ENO4: variants seen among roughly 807,000 people sequenced by gnomAD.
ENO4 encodes the protein enolase 4.
A neutral mutation model predicts 63.2 loss-of-function variants in ENO4; 53 were observed. The observed-to-expected ratio is 0.84, with a 90% confidence interval of 0.67 to 1.05. The LOEUF is 1.05. Among genes scored for constraint, ENO4 ranks in the 50% least tolerant of loss-of-function variants. The pLI, the probability that ENO4 is intolerant of heterozygous loss-of-function variation, is 0.00. For missense variants in ENO4, 719 were observed against 772.0 expected, an observed-to-expected ratio of 0.93 and a Z score of 0.81; for synonymous variants, 266 against 283.8, an observed-to-expected ratio of 0.94 and a Z score of 0.63.
chr10:116,859,194 G>A, intron 4 of ENO4, 56 bp downstream of exon 4: 2 of 1,452,462 alleles, frequency 1.4e-6, no homozygotes, highest in Non-Finnish European at 1.8e-6. Flanking sequence ...GAGGAAGAAA[G>A]GCTGAAGCCT....
chr10:116,903,925 G>A (rs1942033027), intron 10 of ENO4, among the ~76,000 whole-genome samples: 1 of 152,180 alleles, frequency 6.6e-6, no homozygotes, highest in South Asian at 2.1e-4. Flanking sequence ...TTCTCCAAGA[G>A]GCACTTGCTG....
chr10:116,860,387 A>G (rs1474257363), intron 4 of ENO4, among the ~76,000 whole-genome samples: 6 of 152,218 alleles, frequency 3.9e-5, no homozygotes, highest in Non-Finnish European at 8.8e-5. Flanking sequence ...GATGTTCAGC[A>G]GAAAGTTGAG....
chr10:116,859,370 TTAAA>T (rs1223216543), intron 4 of ENO4, among the ~76,000 whole-genome samples: 1 of 152,142 alleles, frequency 6.6e-6, no homozygotes, highest in Admixed American at 6.5e-5. Flanking sequence ...ATACTTATTA[TTAAA>T]TAAGGTGCAT....
Position 116,861,136 on chromosome 10 carries a change from A to T in ENO4, c.882A>T (p.Leu294=). ...VSCGKSSSGK[L]NLMKEVICIP... ...GTGGGAAGTCATCATCTGGGAAGCTAAATTTAATGAAAGAAGTGATTTGTA... is the reference window on the plus strand; with the variant it reads ...GTGGGAAGTCATCATCTGGGAAGCTTAATTTAATGAAAGAAGTGATTTGTA... Residue 294 remains leucine, a synonymous_variant, in exon 6 of 14, where the codon CTA becomes CTT. Transcript: ENST00000341276. The T allele has an allele frequency of 6.5e-7, 1 of 1,547,370 alleles. No individual in the cohort carries two copies. Among genetic ancestry groups the T allele is most frequent in the Non-Finnish European group, 8.7e-7 (1 of 1,144,628 alleles).
At chr10:116,911,923 A>AT, downstream of ENO4, 2 of 986,126 alleles carry the variant, frequency 2.0e-6, no homozygotes, top group Non-Finnish European at 3.3e-6. Flanking sequence ...ATGGCAAACT[A>AT]TTAGTAGCCT....
chr10:116,887,453 C>G (rs1482823205), downstream of ENO4, among the ~76,000 whole-genome samples: 1 of 152,080 alleles, frequency 6.6e-6, no homozygotes, highest in African/African-American at 2.4e-5. Flanking sequence ...AGGATCAGGC[C>G]TTTTTGTCCC....
chr10:116,864,107 G>A (rs1283409754), intron 7 of ENO4, among the ~76,000 whole-genome samples: 3 of 152,178 alleles, frequency 2.0e-5, no homozygotes, highest in Non-Finnish European at 4.4e-5. Flanking sequence ...GCCATACCTG[G>A]TGTTGGTTCT....
rs1221389567 is a variant in ENO4 at position 116,882,012 on chromosome 10, T to G, written c.*343T>G. ...CATCCTTTACCAATCAGAATATCTC[T>G]GAGAACAAAAACCTAATGACCCTAG... On this transcript the variant is annotated 3_prime_UTR_variant, in exon 14 of 14. Coordinates refer to ENST00000341276, the MANE Select transcript of ENO4 (RefSeq NM_001242699.2). 1 of 181,698 alleles carries G rather than the reference T, an allele frequency of 5.5e-6. No homozygotes were observed. The highest frequency in any genetic ancestry group is 2.3e-5 in the African/African-American group (1 of 42,740). The allele number at this position is 181,698 out of a possible 1,614,324, so 11.3% of individuals were successfully genotyped here. A position where few individuals can be genotyped will look rare whatever the true frequency, so the allele number is the denominator to read the frequency against.
intron 10 of ENO4, chr10:116,900,783 A>G: frequency 1.0e-6 from 1 of 985,308 alleles, no homozygotes; most frequent in African/African-American, 1.7e-5. Flanking sequence ...TGACTACAGG[A>G]GAAAATGTGC....
intron 10 of ENO4, among the ~76,000 whole-genome samples, chr10:116,874,949 C>T (rs1251846221): frequency 6.6e-6 from 1 of 152,156 alleles, no homozygotes. Flanking sequence ...GCTAGAATTA[C>T]AGGCATGAGC....
At chr10:116,886,228 T>G (rs1847158637), downstream of ENO4, 1 of 1,394,240 alleles carries the variant, frequency 7.2e-7, no homozygotes, top group Non-Finnish European at 9.7e-7. Flanking sequence ...GAAAAGAACC[T>G]GTATTCTGAA....
At chr10:116,884,254 T>C (rs536182470), downstream of ENO4, 7 of 459,100 alleles carry the variant, frequency 1.5e-5, no homozygotes, top group African/African-American at 6.0e-5. Context: ...CTTGCTTTGG[T>C]TGACAGTGTC....
At chr10:116,865,014 C>T (rs971074547) in intron 7 of ENO4, among the ~76,000 whole-genome samples, 3 of 151,792 alleles carry the variant, frequency 2.0e-5, no homozygotes, top group East Asian at 1.9e-4. Context: ...AGTGAGACTC[C>T]GTCTCGGGGG....
In ENO4 at chr10:116,856,583, G is replaced by T; in HGVS notation, c.386G>T (p.Ser129Ile). 1 of 1,536,184 alleles carries T rather than the reference G, an allele frequency of 6.5e-7. No individual in the cohort carries two copies. Among genetic ancestry groups the T allele is most frequent in the Non-Finnish European group, 8.7e-7 (1 of 1,146,924 alleles). Reference protein sequence around the residue: ...LAKAEEAERASAVSTAVQWVN... With the variant: ...LAKAEEAERAIAVSTAVQWVN... ...AAGGCGGAGGAGGCAGAGAGGGCCA[G>T]CGCGGTGAGCACCGCCGTGCAGTGG... Residue 129 changes from serine to isoleucine, a missense_variant, in exon 3 of 14, where the codon AGC becomes ATC. Ser to Ile is a moderately radical substitution (Grantham distance 142, BLOSUM62 -2). Transcript: ENST00000341276.
intron 9 of ENO4, 66 bp from the exon 10 acceptor site, chr10:116,874,010 G>T: frequency 1.4e-6 from 2 of 1,447,058 alleles, no homozygotes; most frequent in Middle Eastern, 1.8e-4. Context: ...AATCTGAACC[G>T]TATCTTTGGG....
chr10:116,881,596 G>A lies in ENO4; in HGVS notation c.1805G>A (p.Arg602Lys). ...GAGGCACTTGAGGCTGCTGCGGCTA[G>A]GGAGCCGCTGGTGCCCACCTTCCCC... is the stretch of plus-strand genomic sequence containing the variant. ...AAEALEAAAA[R>K]EPLVPTFPTQ... The change falls in exon 14 of 14, where the codon AGG becomes AAG. Residue 602 changes from arginine to lysine, a missense_variant. Transcript: ENST00000341276. 6.5e-7 allele frequency: 1 copy of A among 1,550,384 alleles called. No individual in the cohort carries two copies. The highest frequency in any genetic ancestry group is 8.7e-7 in the Non-Finnish European group (1 of 1,146,878).
intron 11 of ENO4, among the ~76,000 whole-genome samples, chr10:116,877,631 G>A (rs1846877164): frequency 6.6e-6 from 1 of 152,064 alleles, no homozygotes; most frequent in African/African-American, 2.4e-5. Flanking sequence ...GAAGCCTCGG[G>A]AGGCAGAATC....
chr10:116,909,417 T>C (rs1848103382), intron 10 of ENO4, among the ~76,000 whole-genome samples: 1 of 152,194 alleles, frequency 6.6e-6, no homozygotes, highest in Non-Finnish European at 1.5e-5. Context: ...AGTTCTTTGA[T>C]TTACAGCCAA....
intron 7 of ENO4, among the ~76,000 whole-genome samples, chr10:116,864,045 G>A (rs929418736): frequency 6.6e-6 from 1 of 152,216 alleles, no homozygotes; most frequent in African/African-American, 2.4e-5. Context: ...ACCGTGAAGA[G>A]TAAACAAGTG....
Sources: allele counts gnomAD v4.1 joint callset (sites outside exome capture counted in the v4.1 genomes callset), GRCh38; gene constraint gnomAD v4.1.1; transcripts MANE v1.5; gene names NCBI Gene and HGNC (gene_info 2026-07-23, HGNC 2026-07-21).